The following NUP153 variants were observed in gnomAD, a reference collection of about 807,000 sequenced individuals.
NUP153 encodes the protein nucleoporin 153.
Under a neutral mutation model 134.6 loss-of-function variants are expected in NUP153, and 27 were observed. The ratio of observed to expected loss-of-function variants is 0.20; its 90% confidence interval spans 0.15 to 0.28. The LOEUF (loss-of-function observed/expected upper bound fraction) is 0.28. Among genes scored for constraint, NUP153 ranks in the 10% least tolerant of loss-of-function variants. NUP153 has a pLI of 1.00. For missense variants in NUP153, 1,821 were observed against 1,731.3 expected (o/e 1.05, Z -0.92); for synonymous variants, 640 against 623.5 (o/e 1.03, Z -0.40).
At chr6:17,695,590 T>C (rs182545133) in intron 1 of NUP153, among the ~76,000 whole-genome samples, 1 of 152,306 alleles carries the variant, frequency 6.6e-6, no homozygotes, top group Admixed American at 6.5e-5. Context: ...TTCGAGTTGA[T>C]TTCCACCGTT....
At chr6:17,633,665 T>C (rs994937799) in intron 16 of NUP153, among the ~76,000 whole-genome samples, 1 of 152,136 alleles carries the variant, frequency 6.6e-6, no homozygotes, top group Non-Finnish European at 1.5e-5. Context: ...AAAACTAGCA[T>C]GTTTGTGGGA....
chr6:17,652,541 G>A (rs1766561138), intron 11 of NUP153, among the ~76,000 whole-genome samples: 1 of 151,882 alleles, frequency 6.6e-6, no homozygotes, highest in East Asian at 1.9e-4. Context: ...ATTTTCTTAG[G>A]ACACAAAGAA....
At chr6:17,697,991 T>G (rs1646807669) in intron 1 of NUP153, among the ~76,000 whole-genome samples, 2 of 152,188 alleles carry the variant, frequency 1.3e-5, no homozygotes, top group Admixed American at 1.3e-4. Context: ...TTTTCTTGAC[T>G]TCAGTTCTGT....
chr6:17,647,656 A>G, intron 13 of NUP153, 151 bp downstream of exon 13: 1 of 597,482 alleles, frequency 1.7e-6, no homozygotes, highest in Non-Finnish European at 3.0e-6. Context: ...TGAAGAATAC[A>G]TGATTGTTCA....
chr6:17,644,080 C>T (rs546776157), intron 14 of NUP153, among the ~76,000 whole-genome samples: 4 of 152,210 alleles, frequency 2.6e-5, no homozygotes, highest in South Asian at 4.2e-4. Flanking sequence ...TGCAAACATA[C>T]CAGTCAAATT....
chr6:17,621,961 T>A (rs1335824446), intron 20 of NUP153, among the ~76,000 whole-genome samples: 3 of 152,086 alleles, frequency 2.0e-5, no homozygotes, highest in Non-Finnish European at 4.4e-5. Context: ...AACTTTAAAA[T>A]ATTTTTTTAA....
chr6:17,649,097 G>A, intron 12 of NUP153, 66 bp downstream of exon 12: 1 of 1,356,314 alleles, frequency 7.4e-7, no homozygotes, highest in Non-Finnish European at 1.0e-6. Flanking sequence ...TATAATATAG[G>A]GTTTTTTTTA....
At chr6:17,620,743 C>G (rs1404247879) in intron 20 of NUP153, among the ~76,000 whole-genome samples, 1 of 151,878 alleles carries the variant, frequency 6.6e-6, no homozygotes, top group African/African-American at 2.4e-5. Flanking sequence ...TGTGTTTGGC[C>G]GAAGACAATA....
rs80322027 is a variant in NUP153 at position 17,662,098 on chromosome 6, G to A, written c.1216-28C>T. 4.0e-4 allele frequency: 643 copies of A among 1,600,110 alleles called. 6 individuals carry two copies. In the African/African-American group the frequency reaches 7.6e-3, roughly 19 times the overall value. On this transcript the variant is annotated intron_variant, in intron 9 of 21. Transcript: ENST00000262077. The stretch of plus-strand genomic sequence containing the variant: ...GCAGGGGAAATACACACATATTTAC[G>A]TTTGCTTATTTGTTGTAATTTTCTT...
intron 8 of NUP153, among the ~76,000 whole-genome samples, chr6:17,665,834 G>A (rs116758840): frequency 0.019 from 2,935 of 151,692 alleles, 95 homozygotes; most frequent in African/African-American, 0.067. Context: ...ACAGGCGTGC[G>A]CCACCACACC....
At position 17,661,768 on chromosome 6, in the gene NUP153, TATGAAA is replaced by T; in HGVS notation, c.1274_1279del (p.Phe425_Ser426del). The T allele has an allele frequency of 1.2e-6, 2 of 1,612,772 alleles. No individual in the cohort carries two copies. Among genetic ancestry groups the T allele is most frequent in the Non-Finnish European group, 1.7e-6 (2 of 1,179,668 alleles). ...GGCTGCAGGCAAACTGAAATTTGGA[TATGAAA>T]AGCCACTGGCAAATAAAAAGAAAAT... On this transcript the variant is annotated inframe_deletion, in exon 11 of 22. Transcript: ENST00000262077.
intron 16 of NUP153, 67 bp downstream of exon 16, chr6:17,637,086 C>A (rs765556798): frequency 2.8e-6 from 4 of 1,408,532 alleles, no homozygotes; most frequent in East Asian, 2.3e-5. Context: ...AACAAGGATT[C>A]TTAGAATAAA....
At chr6:17,635,272 G>A (rs1765491878) in intron 16 of NUP153, among the ~76,000 whole-genome samples, 2 of 152,020 alleles carry the variant, frequency 1.3e-5, no homozygotes, top group African/African-American at 4.8e-5. Context: ...ACCACACCCG[G>A]CTAATTTTTT....
intron 20 of NUP153, among the ~76,000 whole-genome samples, chr6:17,617,856 A>G (rs542517751): frequency 2.0e-5 from 3 of 151,342 alleles, no homozygotes; most frequent in Admixed American, 1.3e-4. Flanking sequence ...GAAGGAAAAG[A>G]AAAAAAAAGA....
At chr6:17,700,171 C>G (rs1433258250) in intron 1 of NUP153, among the ~76,000 whole-genome samples, 1 of 152,090 alleles carries the variant, frequency 6.6e-6, no homozygotes, top group Non-Finnish European at 1.5e-5. Context: ...AATAATAAAA[C>G]TGTGGTCTCC....
At chr6:17,653,705 T>A (rs559059904) in intron 11 of NUP153, among the ~76,000 whole-genome samples, 7 of 152,138 alleles carry the variant, frequency 4.6e-5, no homozygotes, top group African/African-American at 1.7e-4. Flanking sequence ...GTGGAAAAAA[T>A]GAGAACAGTG....
intron 14 of NUP153, among the ~76,000 whole-genome samples, chr6:17,641,113 G>A (rs898058553): frequency 1.3e-5 from 2 of 152,086 alleles, no homozygotes; most frequent in East Asian, 1.9e-4. Context: ...TGGTTTTATC[G>A]TTATATTTTT....
At chr6:17,637,899 A>C in intron 15 of NUP153, 129 bp from the exon 16 acceptor site, 1 of 1,034,520 alleles carries the variant, frequency 9.7e-7, no homozygotes. Context: ...GAACTACTTA[A>C]GAATTGTTTT....
chr6:17,701,838 G>GC (rs1435191588), intron 1 of NUP153, among the ~76,000 whole-genome samples: 2 of 105,978 alleles, frequency 1.9e-5, no homozygotes, highest in African/African-American at 7.2e-5. Flanking sequence ...GTCTCGGGGG[G>GC]GGGGGGAAAA....
Sources: gnomAD v4.1 joint callset for allele counts (sites outside exome capture counted in the v4.1 genomes callset) on GRCh38, gnomAD v4.1.1 for gene constraint, MANE v1.5 for transcripts, NCBI Gene and HGNC (gene_info 2026-07-23, HGNC 2026-07-21) for gene names.